Variants in LRMDA observed in about 807,000 individuals in gnomAD.
LRMDA encodes the protein leucine rich melanocyte differentiation associated.
Under a neutral mutation model 29.8 loss-of-function variants are expected in LRMDA, and 18 were observed. The ratio of observed to expected loss-of-function variants is 0.60; its 90% CI spans 0.42 to 0.90. The LOEUF is 0.90. Among genes scored for constraint, LRMDA ranks in the 40% least tolerant of loss-of-function variants. The pLI is 0.00. For missense variants in LRMDA, 273 were observed against 273.9 expected (o/e 1.00, Z 0.02); for synonymous variants, 125 against 109.4 (o/e 1.14, Z -0.89).
At chr10:76,042,356 T>C (rs780925383) in intron 3 of LRMDA, among the ~76,000 whole-genome samples, 16 of 152,192 alleles carry the variant, frequency 1.1e-4, no homozygotes, top group Non-Finnish European at 1.6e-4. Flanking sequence ...CTTAGAAATC[T>C]CTTTGATTCA....
intron 6 of LRMDA, among the ~76,000 whole-genome samples, chr10:76,531,905 C>T (rs1200363496): frequency 1.3e-5 from 2 of 152,090 alleles, no homozygotes; most frequent in African/African-American, 4.8e-5. Flanking sequence ...ACCATTTGGG[C>T]CTGGAGTTAT....
At chr10:76,208,421 T>G (rs1300883913) in intron 5 of LRMDA, among the ~76,000 whole-genome samples, 1 of 152,172 alleles carries the variant, frequency 6.6e-6, no homozygotes, top group Non-Finnish European at 1.5e-5. Flanking sequence ...TATGAGTATT[T>G]TGGGATAAAA....
intron 2 of LRMDA, among the ~76,000 whole-genome samples, chr10:75,758,682 T>C (rs1401789584): frequency 2.6e-5 from 4 of 152,328 alleles, no homozygotes. Context: ...GTAGTCTTTG[T>C]AGTAAATCAG....
chr10:75,555,446 A>T (rs1348485969), intron 2 of LRMDA, among the ~76,000 whole-genome samples: 1 of 152,148 alleles, frequency 6.6e-6, no homozygotes, highest in Non-Finnish European at 1.5e-5. Flanking sequence ...CACAGAGTGG[A>T]GCCCCAAATT....
intron 6 of LRMDA, among the ~76,000 whole-genome samples, chr10:76,415,441 G>A (rs1589173667): frequency 6.6e-6 from 1 of 152,232 alleles, no homozygotes; most frequent in Admixed American, 6.5e-5. Flanking sequence ...AGAATAAGGA[G>A]TCTTGGATTC....
chr10:76,099,162 C>T (rs1589326134), intron 5 of LRMDA, among the ~76,000 whole-genome samples: 1 of 152,304 alleles, frequency 6.6e-6, no homozygotes, highest in Middle Eastern at 3.4e-3. Flanking sequence ...CTACAAAGGC[C>T]ATCTAGTCCC....
At chr10:76,345,523 G>T (rs1841096436) in intron 6 of LRMDA, among the ~76,000 whole-genome samples, 2 of 149,902 alleles carry the variant, frequency 1.3e-5, no homozygotes, top group Non-Finnish European at 3.0e-5. Flanking sequence ...AAAACAAGGT[G>T]TAGAATAGTA....
chr10:75,984,853 C>T (rs1272085287), intron 2 of LRMDA, among the ~76,000 whole-genome samples: 1 of 152,218 alleles, frequency 6.6e-6, no homozygotes, highest in Non-Finnish European at 1.5e-5. Flanking sequence ...CTCTTCCTCA[C>T]CCTCTGCTCA....
chr10:75,858,843 C>G (rs1844871114), intron 2 of LRMDA, among the ~76,000 whole-genome samples: 1 of 152,238 alleles, frequency 6.6e-6, no homozygotes, highest in Admixed American at 6.5e-5. Flanking sequence ...TCCTCTACCC[C>G]TAATCTCTTC....
chr10:76,313,532 CTTAG>C (rs949594444), intron 5 of LRMDA, among the ~76,000 whole-genome samples: 6 of 152,238 alleles, frequency 3.9e-5, no homozygotes, highest in Admixed American at 2.6e-4. Flanking sequence ...ATCCTTGAAG[CTTAG>C]TTATTTTTCT....
At chr10:76,278,595 A>G (rs915648577) in intron 5 of LRMDA, among the ~76,000 whole-genome samples, 1 of 152,150 alleles carries the variant, frequency 6.6e-6, no homozygotes, top group African/African-American at 2.4e-5. Flanking sequence ...CACCCACACT[A>G]TTACCTGCCT....
At chr10:76,464,693 C>A (rs542813633) in intron 6 of LRMDA, 3 of 152,122 alleles carry the variant, frequency 2.0e-5, no homozygotes, top group African/African-American at 7.2e-5. Context: ...GTTTTTTGAG[C>A]AGCTGCTTAA....
At chr10:75,668,314 G>A (rs528914851) in intron 2 of LRMDA, among the ~76,000 whole-genome samples, 1 of 152,264 alleles carries the variant, frequency 6.6e-6, no homozygotes, top group South Asian at 2.1e-4. Context: ...TTTCCTCTGT[G>A]GCCCATTGGA....
chr10:76,030,868 C>G (rs1848137293), intron 2 of LRMDA, among the ~76,000 whole-genome samples: 1 of 152,226 alleles, frequency 6.6e-6, no homozygotes, highest in Admixed American at 6.5e-5. Context: ...CCAATTCTCT[C>G]TTTTCTCCCT....
intron 2 of LRMDA, among the ~76,000 whole-genome samples, chr10:75,846,173 G>T (rs1283979578): frequency 2.6e-5 from 3 of 117,090 alleles, no homozygotes; most frequent in African/African-American, 1.1e-4. Context: ...ATTTGTGTGT[G>T]TGTTTGTGTG....
intron 2 of LRMDA, among the ~76,000 whole-genome samples, chr10:75,633,072 G>A (rs1841348009): frequency 6.6e-6 from 1 of 152,048 alleles, no homozygotes; most frequent in African/African-American, 2.4e-5. Context: ...CTCTGGAGCT[G>A]TCTCCCAAGG....
At chr10:76,337,357 G>A (rs191725736) in intron 6 of LRMDA, among the ~76,000 whole-genome samples, 2 of 152,312 alleles carry the variant, frequency 1.3e-5, no homozygotes, top group East Asian at 3.9e-4. Flanking sequence ...AACGACAGCA[G>A]ATCAAGGGCA....
intron 6 of LRMDA, among the ~76,000 whole-genome samples, chr10:76,393,999 A>G (rs1044461812): frequency 1.3e-5 from 2 of 152,156 alleles, no homozygotes; most frequent in African/African-American, 4.8e-5. Context: ...TGGGCTTTCT[A>G]TTCTGTTCCA....
chr10:76,478,561 G>T (rs1159685130), intron 6 of LRMDA, among the ~76,000 whole-genome samples: 1 of 152,042 alleles, frequency 6.6e-6, no homozygotes, highest in Non-Finnish European at 1.5e-5. Flanking sequence ...ATACCCAAAG[G>T]ATTATAAATG....
Sources: gnomAD v4.1 joint callset for allele counts (sites outside exome capture counted in the v4.1 genomes callset) on GRCh38, gnomAD v4.1.1 for gene constraint, MANE v1.5 for transcripts, NCBI Gene and HGNC (gene_info 2026-07-23, HGNC 2026-07-21) for gene names.